VPS53: variants seen among roughly 807,000 people sequenced by gnomAD.
VPS53 encodes vacuolar protein sorting-associated protein 53 homolog.
In VPS53, 70 loss-of-function variants were observed where a neutral mutation model predicts 107.0. That is an observed-to-expected ratio of 0.65 (90% confidence interval 0.54 to 0.80). VPS53 has a LOEUF of 0.80. Among genes scored for constraint, VPS53 ranks in the 30% least tolerant of loss-of-function variants. The pLI is 0.00. For missense variants in VPS53, 917 were observed against 1,049.4 expected (o/e 0.87, Z 1.74); for synonymous variants, 409 against 393.3 (o/e 1.04, Z -0.47).
rs887075548 is a variant in VPS53, at chr17:511,113, T to C, written c.*8015A>G. 1 of 152,234 alleles carries C rather than the reference T, an allele frequency of 6.6e-6. No homozygotes were observed. The highest frequency in any genetic ancestry group is 2.4e-5 in the African/African-American group (1 of 41,460). The allele number at this position is 152,234 out of a possible 1,614,324, so 9.4% of individuals were successfully genotyped here. ...TATATAGCATTTGATATGTATTCCA[T>C]TTGCCTTCTAAAGCCCTCCAGTGGC... On this transcript the variant is annotated 3_prime_UTR_variant, in exon 22 of 22. Coordinates refer to ENST00000437048, the MANE Select transcript of VPS53 (RefSeq NM_001128159.3).
intron 5 of VPS53, 89 bp from the exon 6 acceptor site, chr17:656,042 C>T: frequency 1.1e-6 from 1 of 941,244 alleles, no homozygotes; most frequent in Non-Finnish European, 1.6e-6. Context: ...GAAACGAATG[C>T]AGATGAAGCA....
intron 4 of VPS53, among the ~76,000 whole-genome samples, chr17:671,905 T>C (rs893850309): frequency 1.3e-5 from 2 of 152,024 alleles, no homozygotes; most frequent in Admixed American, 6.6e-5. Flanking sequence ...GCCAGGACGG[T>C]CTCCATCTCC....
chr17:645,032 T>C (rs1369428199), intron 7 of VPS53, among the ~76,000 whole-genome samples: 4 of 152,258 alleles, frequency 2.6e-5, no homozygotes, highest in Non-Finnish European at 5.9e-5. Flanking sequence ...CACTGAAATA[T>C]ATTCATAGAA....
At chr17:699,513 T>TAAA in intron 2 of VPS53, 133 bp from the exon 3 acceptor site, 2 of 457,066 alleles carry the variant, frequency 4.4e-6, no homozygotes, top group Non-Finnish European at 3.5e-6. Context: ...AGTTTTGCTT[T>TAAA]AAAAAAAAAA....
intron 4 of VPS53, chr17:676,145 T>C (rs1450253842): frequency 6.6e-6 from 1 of 152,018 alleles, no homozygotes; most frequent in African/African-American, 2.4e-5. Flanking sequence ...CAAAGGAAAT[T>C]TTATAGTTAC....
intron 2 of VPS53, among the ~76,000 whole-genome samples, chr17:702,620 C>T (rs2657615): frequency 0.39 from 58,701 of 151,900 alleles, 13,532 homozygotes; most frequent in Non-Finnish European, 0.52. Context: ...GAGCCGAGAT[C>T]GCGCCACTGC....
rs16953156 is a variant in VPS53 at position 521,640 on chromosome 17, G to A, written c.2184C>T (p.Ile728=). 43,014 of 1,550,994 alleles carry A rather than the reference G, an allele frequency of 0.028. 693 individuals are homozygous for A. Among genetic ancestry groups the A allele is most frequent in the Middle Eastern group, 0.034 (204 of 5,990 alleles). Residue 728 remains isoleucine, a synonymous_variant, in exon 20 of 22, where the codon ATC becomes ATT. Transcript: ENST00000437048. ...VRKAPASYTK[I]VVKGMTRAEM... ...CAGCCCGGGTCATGCCTTTGACAAC[G>A]ATCTTGGTGTAGCTGGCGGGTGCCT...
At chr17:612,531 C>T (rs578181758) in intron 11 of VPS53, among the ~76,000 whole-genome samples, 1,835 of 139,374 alleles carry the variant, frequency 0.013, 47 homozygotes, top group Non-Finnish European at 0.018. Flanking sequence ...TACAAATATT[C>T]ACATAGTGAG....
chr17:710,507 G>C (rs1421574745), intron 2 of VPS53, 26 bp downstream of exon 2: 1 of 1,591,110 alleles, frequency 6.3e-7, no homozygotes, highest in African/African-American at 1.3e-5. Context: ...GCTGCTGAAA[G>C]GAAGGAAACC....
intron 17 of VPS53, among the ~76,000 whole-genome samples, chr17:547,883 G>C (rs1448917638): frequency 6.6e-6 from 1 of 152,100 alleles, no homozygotes; most frequent in Non-Finnish European, 1.5e-5. Flanking sequence ...GCACTCCTCA[G>C]CCTCCCAAAG....
intron 4 of VPS53, among the ~76,000 whole-genome samples, chr17:672,980 C>T (rs1346674602): frequency 2.0e-5 from 3 of 151,822 alleles, no homozygotes; most frequent in South Asian, 2.1e-4. Flanking sequence ...GGCGTGGTGG[C>T]GGGCGCCTGT....
chr17:603,473 G>A (rs953852498), intron 11 of VPS53, among the ~76,000 whole-genome samples: 4 of 152,230 alleles, frequency 2.6e-5, no homozygotes, highest in Admixed American at 6.5e-5. Flanking sequence ...CTACACCTGC[G>A]TCTGGTTTTT....
chr17:692,730 C>T (rs1044506836), intron 4 of VPS53, among the ~76,000 whole-genome samples: 4 of 152,334 alleles, frequency 2.6e-5, no homozygotes, highest in South Asian at 4.1e-4. Context: ...TAGCCGGGTG[C>T]GGTGGCTCAC....
intron 10 of VPS53, among the ~76,000 whole-genome samples, chr17:626,505 C>T (rs986948930): frequency 1.3e-5 from 2 of 152,104 alleles, no homozygotes; most frequent in Non-Finnish European, 2.9e-5. Context: ...GAAACCCCAT[C>T]TCTACTAAAA....
chr17:693,736 A>G (rs1972852801), intron 4 of VPS53, among the ~76,000 whole-genome samples: 1 of 152,202 alleles, frequency 6.6e-6, no homozygotes, highest in African/African-American at 2.4e-5. Flanking sequence ...TAACATGATA[A>G]TAATAAATAC....
chr17:631,192 C>G (rs1263379354), intron 8 of VPS53, among the ~76,000 whole-genome samples: 1 of 151,892 alleles, frequency 6.6e-6, no homozygotes, highest in African/African-American at 2.4e-5. Flanking sequence ...TTCACCAAAC[C>G]AAAACCAGTA....
chr17:694,277 T>A (rs1453379639), intron 4 of VPS53, among the ~76,000 whole-genome samples: 1 of 152,230 alleles, frequency 6.6e-6, no homozygotes, highest in Non-Finnish European at 1.5e-5. Context: ...TACGACCTGC[T>A]CTGCTGCGGC....
rs539133987 is a variant in VPS53, at chr17:578,499, T to C, written c.1313+7771A>G. 7.9e-5 allele frequency among the ~76,000 whole-genome samples: 10 copies of C among 126,880 alleles called. No homozygotes were observed. In the East Asian group the frequency reaches 1.2e-3, roughly 16 times the overall value. The allele number at this position is 126,880 out of a possible 152,430, so 83.2% of individuals were successfully genotyped here. A position where few individuals can be genotyped will look rare whatever the true frequency, so the allele number is the denominator to read the frequency against. On this transcript the variant is annotated intron_variant, in intron 13 of 21. Transcript: ENST00000437048. ...CCTCTCTCAGAACCTAATGCATTCC[T>C]AGAGAACTTCCCTCAGAACCTAATG...
Position 653,228 on chromosome 17 carries a change from A to G in VPS53, c.608+63T>C, listed in dbSNP as rs984742584. The G allele has an allele frequency of 8.1e-6, 13 of 1,595,436 alleles. No individual in the cohort carries two copies. In the African/African-American group the frequency reaches 1.5e-4, roughly 18 times the overall value. ...TATACTTTCCCTCTGGTGACAGTTT[A>G]CCTTTCGGAAAGCTGCCGGATCTGC... is the stretch of plus-strand genomic sequence containing the variant. On this transcript the variant is annotated intron_variant, in intron 7 of 21. Transcript: ENST00000437048.
Sources: gnomAD v4.1 joint callset for allele counts (sites outside exome capture counted in the v4.1 genomes callset) on GRCh38, gnomAD v4.1.1 for gene constraint, MANE v1.5 for transcripts, NCBI Gene and HGNC (gene_info 2026-07-23, HGNC 2026-07-21) for gene names.